ANKS1B: variants seen among roughly 807,000 people sequenced by gnomAD.
ANKS1B encodes ankyrin repeat and sterile alpha motif domain containing 1B.
In ANKS1B, 36 loss-of-function variants were observed where a neutral mutation model predicts 148.3. The observed-to-expected ratio is 0.24, with a 90% CI of 0.19 to 0.32. The LOEUF (loss-of-function observed/expected upper bound fraction) is 0.32. Among genes scored for constraint, ANKS1B ranks in the 10% least tolerant of loss-of-function variants. The pLI, the probability that ANKS1B is intolerant of heterozygous loss-of-function variation, is 1.00. For missense variants in ANKS1B, 1,157 were observed against 1,542.6 expected (o/e 0.75, Z 4.19); for synonymous variants, 542 against 560.8 (o/e 0.97, Z 0.47).
chr12:99,126,991 A>G (rs927849206), intron 15 of ANKS1B, among the ~76,000 whole-genome samples: 2 of 152,216 alleles, frequency 1.3e-5, no homozygotes, highest in Non-Finnish European at 2.9e-5. Context: ...ATTTAAAAAA[A>G]ACTAACCTTG....
At chr12:99,512,179 A>C (rs991345374) in intron 9 of ANKS1B, among the ~76,000 whole-genome samples, 1 of 152,092 alleles carries the variant, frequency 6.6e-6, no homozygotes, top group Non-Finnish European at 1.5e-5. Context: ...CAAAAGTCTA[A>C]TATCCAGAAT....
At chr12:98,932,219 C>T (rs1348980723) in intron 17 of ANKS1B, among the ~76,000 whole-genome samples, 3 of 152,168 alleles carry the variant, frequency 2.0e-5, no homozygotes, top group Admixed American at 1.3e-4. Flanking sequence ...ACTTTCCAAT[C>T]AGCCCTGCAG....
intron 9 of ANKS1B, among the ~76,000 whole-genome samples, chr12:99,504,993 G>A (rs1047891397): frequency 2.0e-5 from 3 of 151,770 alleles, no homozygotes; most frequent in African/African-American, 7.3e-5. Flanking sequence ...CATATAACTC[G>A]GAGACACCCA....
intron 8 of ANKS1B, among the ~76,000 whole-genome samples, chr12:99,678,992 G>T (rs2098598324): frequency 6.6e-6 from 1 of 152,084 alleles, no homozygotes. Flanking sequence ...ACAGTGTCTA[G>T]AACTAAAAGA....
intron 14 of ANKS1B, among the ~76,000 whole-genome samples, chr12:99,198,457 A>G (rs1028910605): frequency 6.6e-6 from 1 of 152,196 alleles, no homozygotes; most frequent in Admixed American, 6.5e-5. Flanking sequence ...ACTGCCACAA[A>G]AATGTTGGAA....
At chr12:99,416,436 TC>T (rs2094912045) in intron 11 of ANKS1B, among the ~76,000 whole-genome samples, 2 of 152,228 alleles carry the variant, frequency 1.3e-5, no homozygotes, top group South Asian at 4.1e-4. Context: ...CAAACTGTTT[TC>T]CAAAATTGCT....
At chr12:99,052,535 G>T (rs1218500681) in intron 17 of ANKS1B, among the ~76,000 whole-genome samples, 2 of 147,950 alleles carry the variant, frequency 1.4e-5, no homozygotes, top group South Asian at 2.4e-4. Flanking sequence ...AGACCATCCT[G>T]GCTAACAAGG....
chr12:98,782,561 G>A (rs1419523055), intron 22 of ANKS1B, among the ~76,000 whole-genome samples: 1 of 152,174 alleles, frequency 6.6e-6, no homozygotes, highest in Non-Finnish European at 1.5e-5. Context: ...GCTTTTAATT[G>A]GATAGTGTGA....
Position 99,825,571 on chromosome 12 carries a change from A to G in ANKS1B, c.135-182T>C, listed in dbSNP as rs116691355. On this transcript the variant is annotated intron_variant, in intron 1 of 26. Coordinates refer to ENST00000683438, the MANE Select transcript of ANKS1B (RefSeq NM_001352186.2). ...ACATCAACTTCATTTATTTGATAAA[A>G]GGAAACTAATAGAGAATGCAACTAT... 7.9e-3 allele frequency among the ~76,000 whole-genome samples: 1,206 copies of G among 152,340 alleles called. 16 individuals carry two copies. The highest frequency in any genetic ancestry group is 0.027 in the African/African-American group (1,140 of 41,576).
chr12:99,392,236 G>A (rs1276175118), intron 12 of ANKS1B, among the ~76,000 whole-genome samples: 1 of 152,248 alleles, frequency 6.6e-6, no homozygotes, highest in Non-Finnish European at 1.5e-5. Flanking sequence ...CTCAGCTTCA[G>A]GAGGTCTATT....
At chr12:99,445,879 A>G (rs2152804136) in intron 10 of ANKS1B, among the ~76,000 whole-genome samples, 1 of 151,810 alleles carries the variant, frequency 6.6e-6, no homozygotes, top group South Asian at 2.1e-4. Flanking sequence ...ACATTACCAC[A>G]TCTGGCTAAT....
At chr12:99,151,292 C>T (rs2074818873) in intron 15 of ANKS1B, among the ~76,000 whole-genome samples, 1 of 152,152 alleles carries the variant, frequency 6.6e-6, no homozygotes, top group South Asian at 2.1e-4. Flanking sequence ...CTTTGGGAGG[C>T]CAAGGCAGGC....
chr12:99,722,953 G>T (rs1163109945), intron 8 of ANKS1B, among the ~76,000 whole-genome samples: 1 of 152,356 alleles, frequency 6.6e-6, no homozygotes, highest in East Asian at 1.9e-4. Context: ...CCCGCCAAGG[G>T]AGGTGATGAG....
At chr12:98,951,294 G>T (rs756682620) in intron 17 of ANKS1B, among the ~76,000 whole-genome samples, 2 of 152,146 alleles carry the variant, frequency 1.3e-5, no homozygotes, top group African/African-American at 4.8e-5. Context: ...AAAGAGAGGG[G>T]ATCACTTCTA....
rs138346900 is a variant in ANKS1B at position 99,472,626 on chromosome 12, T to C, written c.1439-28817A>G. 2.3e-4 allele frequency among the ~76,000 whole-genome samples: 35 copies of C among 152,170 alleles called. No individual in the cohort carries two copies. The South Asian group carries it at 3.7e-3, about 16-fold the overall frequency. ...ACATATCCTTTGATTACCTTATAGC[T>C]AGACACAGAAGGAGGAAAATAGGAG... is the stretch of plus-strand genomic sequence containing the variant. On this transcript the variant is annotated intron_variant, in intron 10 of 26. Coordinates refer to ENST00000683438, the MANE Select transcript of ANKS1B (RefSeq NM_001352186.2).
rs1386390834 is a variant in ANKS1B, at chr12:99,219,193, A to G, written c.2419+25149T>C. ...ATTTTAGGCAGGTTTCTTCCTGACT[A>G]TTGGCTCCTAACCTCCCTTTTCTTA... On this transcript the variant is annotated intron_variant, in intron 14 of 26. Coordinates refer to ENST00000683438, the MANE Select transcript of ANKS1B (RefSeq NM_001352186.2). Among the ~76,000 whole-genome samples, 4 of 152,134 alleles carry G rather than the reference A, an allele frequency of 2.6e-5. No individual in the cohort carries two copies. In the South Asian group the frequency reaches 6.2e-4, roughly 24 times the overall value.
At chr12:99,312,455 A>G (rs1047253694) in intron 12 of ANKS1B, among the ~76,000 whole-genome samples, 3 of 152,136 alleles carry the variant, frequency 2.0e-5, no homozygotes, top group African/African-American at 7.2e-5. Flanking sequence ...TTTTTAGAAG[A>G]TCAGTGTGTT....
rs535653664 is a variant in ANKS1B at position 98,866,999 on chromosome 12, A to G, written c.2779-34863T>C. Among the ~76,000 whole-genome samples the G allele has an allele frequency of 3.9e-5, 6 of 152,368 alleles. No homozygotes were observed. The South Asian group carries it at 1.2e-3, about 32-fold the overall frequency. On this transcript the variant is annotated intron_variant, in intron 17 of 26. Coordinates refer to ENST00000683438, the MANE Select transcript of ANKS1B (RefSeq NM_001352186.2). ...TACTACATAAGTTTTGGTCAAATGA[A>G]TAAACAAATACACAAATAAGCCCCA... is the stretch of plus-strand genomic sequence containing the variant.
intron 8 of ANKS1B, among the ~76,000 whole-genome samples, chr12:99,757,318 A>G (rs1390165180): frequency 6.6e-6 from 1 of 152,162 alleles, no homozygotes; most frequent in Non-Finnish European, 1.5e-5. Flanking sequence ...GAAGACATAC[A>G]TGCAGCCAAC....
Sources: allele counts gnomAD v4.1 joint callset (sites outside exome capture counted in the v4.1 genomes callset), GRCh38; gene constraint gnomAD v4.1.1; transcripts MANE v1.5; gene names NCBI Gene and HGNC (gene_info 2026-07-23, HGNC 2026-07-21).